Variants in CENPM observed in about 807,000 individuals in gnomAD.
The protein encoded by CENPM is centromere protein M.
CENPM carries 14 observed loss-of-function variants against 19.6 expected under a neutral mutation model. The ratio of observed to expected loss-of-function variants is 0.71; its 90% CI spans 0.47 to 1.11. The LOEUF (loss-of-function observed/expected upper bound fraction) is 1.11, where lower values mean the gene tolerates loss of function less well. Among genes scored for constraint, CENPM ranks in the 50% most tolerant of loss-of-function variants. CENPM has a pLI of 0.00. For synonymous variants in CENPM, 114 were observed against 101.5 expected (o/e 1.12, Z -0.74); for missense variants, 239 against 228.4 (o/e 1.05, Z -0.30).
At chr22:41,933,170 G>T in the CENPM span, among the ~76,000 whole-genome samples, 7 of 152,182 alleles carry the variant, frequency 4.6e-5, no homozygotes, top group South Asian at 1.2e-3. Context: ...GAAAAGGGCT[G>T]TGCGCAAAGC....
At chr22:41,943,800 T>C (rs1268688547) in intron 4 of CENPM, 99 bp from the exon 5 acceptor site, 28 of 1,010,106 alleles carry the variant, frequency 2.8e-5, no homozygotes, top group Non-Finnish European at 3.9e-5. Context: ...ACTCTGGGGC[T>C]CAGTTTCTTT....
chr22:41,938,997 G>C lies in CENPM; in HGVS notation c.*59C>G. On this transcript the variant is annotated 3_prime_UTR_variant, in exon 6 of 6. Transcript: ENST00000215980. Reference sequence around the variant, plus strand: ...GCCCTGACTGGACATCCTCAACAGAGAATGTTTATGGAGTCAGCACGAAGC... The same window carrying C: ...GCCCTGACTGGACATCCTCAACAGACAATGTTTATGGAGTCAGCACGAAGC... The C allele has an allele frequency of 6.3e-7, 1 of 1,591,050 alleles. No homozygotes were observed. The highest frequency in any genetic ancestry group is 1.1e-5 in the South Asian group (1 of 88,726).
At chr22:41,946,281 T>C (rs2077800571) in intron 2 of CENPM, 136 bp downstream of exon 2, 1 of 768,542 alleles carries the variant, frequency 1.3e-6, no homozygotes, top group Non-Finnish European at 2.2e-6. Context: ...GGCATGGGAC[T>C]AGCCAGCTAC....
At position 41,946,407 on chromosome 22, in the gene CENPM, G is replaced by T; in HGVS notation, c.137+10C>A. On this transcript the variant is annotated intron_variant, in intron 2 of 5. Coordinates refer to ENST00000215980, the MANE Select transcript of CENPM (RefSeq NM_024053.5). ...ACACGTGGGCCCAGGCCACAGCCGC[G>T]GCTACTTACACCTTCAGCTCGGAGG... The T allele has an allele frequency of 1.9e-6, 3 of 1,611,950 alleles. No individual in the cohort carries two copies. Among genetic ancestry groups the T allele is most frequent in the Non-Finnish European group, 2.5e-6 (3 of 1,179,092 alleles).
the CENPM span, among the ~76,000 whole-genome samples, chr22:41,927,660 C>T: frequency 5.3e-5 from 8 of 151,992 alleles, no homozygotes; most frequent in South Asian, 2.1e-4. Context: ...CCACCATGCC[C>T]GGCTAATTTT....
chr22:41,945,449 T>TTTTA (rs2077788929), intron 3 of CENPM, 145 bp from the exon 4 acceptor site: 1 of 578,022 alleles, frequency 1.7e-6, no homozygotes. Flanking sequence ...GTCCTTTAAT[T>TTTTA]TTTTTTTTTT....
At chr22:41,936,649 G>A (rs191114712), downstream of CENPM, among the ~76,000 whole-genome samples, 12 of 152,304 alleles carry the variant, frequency 7.9e-5, no homozygotes, top group African/African-American at 2.2e-4. Flanking sequence ...GCCTTAGGCC[G>A]GCCGCGGTGA....
rs1569428977 is a variant in CENPM, at chr22:41,946,505, GGA to G, written c.58-11_58-10del. On this transcript the variant is annotated splice_polypyrimidine_tract_variant and intron_variant, in intron 1 of 5. Coordinates refer to ENST00000215980, the MANE Select transcript of CENPM (RefSeq NM_024053.5). The stretch of plus-strand genomic sequence containing the variant: ...TCCTCCGTGCCCACCAGCTGCGCAG[GGA>G]GAGAGAGCGGACAGTCGAGCCCTAG... 1 of 1,612,466 alleles carries G rather than the reference GGA, an allele frequency of 6.2e-7. No homozygotes were observed. Among genetic ancestry groups the G allele is most frequent in the Admixed American group, 1.7e-5 (1 of 60,002 alleles).
intron 5 of CENPM, among the ~76,000 whole-genome samples, chr22:41,939,427 C>T (rs543368702): frequency 1.3e-5 from 2 of 152,324 alleles, no homozygotes; most frequent in South Asian, 4.1e-4. Flanking sequence ...CAGAGCCTGA[C>T]CTCCTGCTCA....
At chr22:41,939,283 G>C in intron 5 of CENPM, 87 bp from the exon 6 acceptor site, 1 of 1,467,544 alleles carries the variant, frequency 6.8e-7, no homozygotes, top group Non-Finnish European at 9.1e-7. Context: ...CCAGAGCAGG[G>C]CTGGGGGCGG....
In CENPM at chr22:41,947,081, G is replaced by A. The variant is rs370036753; in HGVS notation, c.-5C>T. On this transcript the variant is annotated 5_prime_UTR_variant, in exon 1 of 6. Coordinates refer to ENST00000215980, the MANE Select transcript of CENPM (RefSeq NM_024053.5). ...CAGGGGCCTCAACACCGACATCACAGCCGCAGGACCAACCGTTGCTCCTGC... is the reference window on the plus strand; with the variant it reads ...CAGGGGCCTCAACACCGACATCACAACCGCAGGACCAACCGTTGCTCCTGC... 44 of 1,612,780 alleles carry A rather than the reference G, an allele frequency of 2.7e-5. No homozygotes were observed. Among genetic ancestry groups the A allele is most frequent in the Non-Finnish European group, 3.4e-5 (40 of 1,179,892 alleles).
intron 5 of CENPM, among the ~76,000 whole-genome samples, chr22:41,942,722 G>A (rs988115110): frequency 3.3e-5 from 5 of 149,742 alleles, no homozygotes; most frequent in African/African-American, 1.2e-4. Context: ...CTGCATTCCA[G>A]CCTGGACAAC....
downstream of CENPM, among the ~76,000 whole-genome samples, chr22:41,938,220 C>T (rs1376432421): frequency 6.6e-6 from 1 of 150,562 alleles, no homozygotes; most frequent in Non-Finnish European, 1.5e-5. Context: ...CGGTTCAACA[C>T]CACCTCCGCC....
chr22:41,932,233 TCTC>T, the CENPM span, among the ~76,000 whole-genome samples: 2 of 152,144 alleles, frequency 1.3e-5, no homozygotes, highest in African/African-American at 2.4e-5. The surrounding 1 kb of genome is among the most constrained non-coding windows in gnomAD (Gnocchi z 4.3). Context: ...TCCTTTCCCT[TCTC>T]CTGTATTTAA....
At chr22:41,946,978 G>T in intron 1 of CENPM, 42 bp downstream of exon 1, 1 of 1,604,684 alleles carries the variant, frequency 6.2e-7, no homozygotes, top group Non-Finnish European at 8.5e-7. Flanking sequence ...GCACCGCCCA[G>T]GAGGAAAAAC....
chr22:41,927,590 C>T, the CENPM span, among the ~76,000 whole-genome samples: 5 of 150,710 alleles, frequency 3.3e-5, no homozygotes, highest in Non-Finnish European at 5.9e-5. Flanking sequence ...ACCTCTGCCT[C>T]CCAGATTCAA....
At chr22:41,939,705 G>A (rs2077709288) in intron 5 of CENPM, among the ~76,000 whole-genome samples, 1 of 146,354 alleles carries the variant, frequency 6.8e-6, no homozygotes, top group Non-Finnish European at 1.5e-5. Context: ...GGACAAGACT[G>A]CTCTAGGCCC....
intron 3 of CENPM, 47 bp from the exon 4 acceptor site, chr22:41,945,351 T>C: frequency 6.2e-7 from 1 of 1,610,878 alleles, no homozygotes; most frequent in Non-Finnish European, 8.5e-7. Flanking sequence ...AGAACAAAAC[T>C]TTACAACGGA....
At chr22:41,940,779 C>T (rs12483944) in intron 5 of CENPM, among the ~76,000 whole-genome samples, 18,914 of 152,036 alleles carry the variant, frequency 0.12, 1,677 homozygotes, top group Admixed American at 0.29. Context: ...TTTAATAAGT[C>T]CTCTAAGTTT....
Sources: allele counts gnomAD v4.1 joint callset (sites outside exome capture counted in the v4.1 genomes callset), GRCh38; gene constraint gnomAD v4.1.1; non-coding constraint Gnocchi (gnomAD v3.1); transcripts MANE v1.5; gene names NCBI Gene and HGNC (gene_info 2026-07-23, HGNC 2026-07-21).